Variants in SASH1 observed in about 807,000 individuals in gnomAD.
The protein encoded by SASH1 is SAM and SH3 domain containing 1.
Under a neutral mutation model 125.2 loss-of-function variants are expected in SASH1, and 44 were observed. That is an observed-to-expected ratio of 0.35 (90% CI 0.28 to 0.45). The LOEUF is 0.45. Among genes scored for constraint, SASH1 ranks in the 20% least tolerant of loss-of-function variants. SASH1 has a pLI of 1.00. For synonymous variants in SASH1, 639 were observed against 649.1 expected (o/e 0.98, Z 0.24); for missense variants, 1,426 against 1,614.5 (o/e 0.88, Z 2.00).
At chr6:148,468,897 A>G in intron 5 of SASH1, 1 of 230,422 alleles carries the variant, frequency 4.3e-6, no homozygotes. Context: ...TGAATTGGTT[A>G]ATTAGCTTAT....
At chr6:148,468,814 C>T (rs78128399) in intron 5 of SASH1, 13,193 of 413,634 alleles carry the variant, frequency 0.032, 236 homozygotes, top group African/African-American at 0.046. Context: ...ATGTTATGAG[C>T]ATTTTCCCAT....
At chr6:148,538,540 A>G (rs1396697021) in intron 16 of SASH1, among the ~76,000 whole-genome samples, 1 of 152,156 alleles carries the variant, frequency 6.6e-6, no homozygotes, top group Non-Finnish European at 1.5e-5. Flanking sequence ...TTGTGCTTCC[A>G]ATTAGTTAAT....
At position 148,538,657 on chromosome 6, in the gene SASH1, G is replaced by A. The variant is rs114733549; in HGVS notation, c.2096-1786G>A. On this transcript the variant is annotated intron_variant, in intron 16 of 19. Transcript: ENST00000367467. ...GTTGGGGCTGTAAAATGCTTTCCCC[G>A]TGAGAAATGCAAGCAGGAAGTGGTG... Among the ~76,000 whole-genome samples, 867 of 152,278 alleles carry A rather than the reference G, an allele frequency of 5.7e-3. 7 individuals are homozygous for A. Among genetic ancestry groups the A allele is most frequent in the African/African-American group, 0.02 (826 of 41,556 alleles).
upstream of SASH1, among the ~76,000 whole-genome samples, chr6:148,341,326 TTTTG>T (rs1781316547): frequency 6.8e-6 from 1 of 146,974 alleles, no homozygotes; most frequent in African/African-American, 2.6e-5. Flanking sequence ...TGTTTTTTTT[TTTTG>T]TTTTTTTTTT....
intron 2 of SASH1, among the ~76,000 whole-genome samples, chr6:148,407,725 C>T (rs1281739687): frequency 2.0e-5 from 3 of 152,106 alleles, no homozygotes; most frequent in Non-Finnish European, 2.9e-5. Flanking sequence ...CTCTGCCGCC[C>T]GAGTTGAAGC....
chr6:148,300,409 A>G (rs1369430737), intron 1 of SASH1, among the ~76,000 whole-genome samples: 1 of 135,274 alleles, frequency 7.4e-6, no homozygotes, highest in Non-Finnish European at 1.6e-5. Flanking sequence ...CTGGTCAAAC[A>G]AACAAACAAC....
rs1355338915 is a variant in SASH1, at chr6:148,514,457, G to GAA, written c.862+1_862+2insAA. On this transcript the variant is annotated splice_donor_variant, in intron 9 of 19. Coordinates refer to ENST00000367467, the MANE Select transcript of SASH1 (RefSeq NM_015278.5). LOFTEE classifies it high-confidence loss of function. The stretch of plus-strand genomic sequence containing the variant: ...GAAATGAAAAAACCCAGCACTGAAG[G>GAA]TAAAAAAAAAAAAAAAAAAAAAAAA... The GAA allele has an allele frequency of 9.4e-6, 2 of 213,874 alleles. No homozygotes were observed. The highest frequency in any genetic ancestry group is 1.1e-4 in the South Asian group (1 of 9,146). The allele number at this position is 213,874 out of a possible 1,614,324, so 13.2% of individuals were successfully genotyped here. A position where few individuals can be genotyped will look rare whatever the true frequency, so the allele number is the denominator to read the frequency against.
At chr6:148,273,729 C>T (rs1303642302) in intron 1 of SASH1, among the ~76,000 whole-genome samples, 1 of 152,250 alleles carries the variant, frequency 6.6e-6, no homozygotes, top group Non-Finnish European at 1.5e-5. Context: ...GCCTGAGGGC[C>T]TCTCCTGCCC....
rs1047656830 is a variant in SASH1 at position 148,285,564 on chromosome 6, G to GT, written n.74+13196dup. The stretch of plus-strand genomic sequence containing the variant: ...CCCAAAGCAGTGACAGGCTGTTTTG[G>GT]TTTTTTTTTCCTCTCTCTCTTTTCC... On this transcript the variant is annotated intron_variant and non_coding_transcript_variant, in intron 1 of 3. Transcript: ENST00000367469. Among the ~76,000 whole-genome samples the GT allele has an allele frequency of 1.3e-4, 19 of 151,232 alleles. No homozygotes were observed. The East Asian group carries it at 1.7e-3, about 14-fold the overall frequency.
At chr6:148,464,105 T>G (rs1777733608) in intron 4 of SASH1, among the ~76,000 whole-genome samples, 1 of 152,200 alleles carries the variant, frequency 6.6e-6, no homozygotes, top group Non-Finnish European at 1.5e-5. Context: ...TACTGTCTCT[T>G]AAATTATTTT....
chr6:148,476,652 C>T (rs1335759194), intron 7 of SASH1, among the ~76,000 whole-genome samples: 4 of 152,128 alleles, frequency 2.6e-5, no homozygotes, highest in East Asian at 1.9e-4. Flanking sequence ...TGAACTCCAA[C>T]GTGGGCGAGA....
Position 148,525,322 on chromosome 6 carries a change from C to T in SASH1, c.1241C>T (p.Thr414Met), listed in dbSNP as rs201831125. 1.7e-5 allele frequency: 27 copies of T among 1,613,922 alleles called. No individual in the cohort carries two copies. The highest frequency in any genetic ancestry group is 6.7e-5 in the East Asian group (3 of 44,894). ...TGCAGTTTTGGAGGATTTGACTTGA[C>T]GAATCGCTCTCTGCACGTTGGCAGT... ...RTCSFGGFDL[T>M]NRSLHVGSNN... The change falls in exon 11 of 20, where the codon ACG becomes ATG. Residue 414 changes from threonine (T) to methionine (M), a missense_variant. Around this residue, in one of 3 missense-constraint regions of SASH1, gnomAD observed 567 missense variants for 575.6 expected, o/e 0.99. Transcript: ENST00000367467.
At chr6:148,348,222 G>C (rs1221221542) in intron 1 of SASH1, among the ~76,000 whole-genome samples, 1 of 152,078 alleles carries the variant, frequency 6.6e-6, no homozygotes, top group African/African-American at 2.4e-5. Flanking sequence ...TCAAATCCCT[G>C]GCCACAAGTG....
At chr6:148,500,658 G>A (rs1426019545) in intron 8 of SASH1, among the ~76,000 whole-genome samples, 1 of 152,174 alleles carries the variant, frequency 6.6e-6, no homozygotes, top group Non-Finnish European at 1.5e-5. Flanking sequence ...GAAGTTGTGG[G>A]CCTTTTCCAG....
chr6:148,205,225 C>T, the SASH1 span, among the ~76,000 whole-genome samples: 2 of 152,158 alleles, frequency 1.3e-5, no homozygotes, highest in African/African-American at 2.4e-5. Context: ...TAGAAGTGGT[C>T]CGCATACCTG....
chr6:148,435,947 G>T (rs1043316003), intron 2 of SASH1, among the ~76,000 whole-genome samples: 2 of 152,130 alleles, frequency 1.3e-5, no homozygotes, highest in African/African-American at 4.8e-5. Context: ...AGATATACTT[G>T]AGTAAATGTT....
At chr6:148,538,222 A>C (rs1781990288) in intron 16 of SASH1, among the ~76,000 whole-genome samples, 1 of 152,164 alleles carries the variant, frequency 6.6e-6, no homozygotes, top group Non-Finnish European at 1.5e-5. Context: ...GTCCCCAAAG[A>C]TGCAGGCACA....
chr6:148,221,117 C>T, the SASH1 span, among the ~76,000 whole-genome samples: 1 of 152,192 alleles, frequency 6.6e-6, no homozygotes, highest in Non-Finnish European at 1.5e-5. Flanking sequence ...CTCCATTCAA[C>T]ACGTCTTACT....
intron 1 of SASH1, among the ~76,000 whole-genome samples, chr6:148,285,435 T>C (rs1413929808): frequency 6.6e-6 from 1 of 152,186 alleles, no homozygotes; most frequent in Non-Finnish European, 1.5e-5. Context: ...CTTTACAGAG[T>C]AGCCTCTGGC....
Sources: gnomAD v4.1 joint callset for allele counts (sites outside exome capture counted in the v4.1 genomes callset) on GRCh38, gnomAD v4.1.1 for gene constraint, gnomAD v4.1.1 regional missense constraint, MANE v1.5 for transcripts, NCBI Gene and HGNC (gene_info 2026-07-23, HGNC 2026-07-21) for gene names.